ZMYND8: variants seen among roughly 807,000 people sequenced by gnomAD.
ZMYND8 encodes the protein zinc finger MYND-type containing 8, also known as MYND-type zinc finger-containing chromatin reader ZMYND8.
ZMYND8 carries 37 observed loss-of-function variants against 140.8 expected under a neutral mutation model. The observed-to-expected ratio is 0.26, with a 90% confidence interval of 0.20 to 0.35. The LOEUF is 0.35. ZMYND8 is among the 10% of genes least tolerant of loss of function. ZMYND8 has a pLI of 1.00. For missense variants in ZMYND8, 1,068 were observed against 1,570.0 expected, an observed-to-expected ratio of 0.68 and a Z score of 5.40; for synonymous variants, 592 against 597.1, an observed-to-expected ratio of 0.99 and a Z score of 0.12.
chr20:47,304,559 A>G (rs2078332404), intron 3 of ZMYND8, among the ~76,000 whole-genome samples: 1 of 152,252 alleles, frequency 6.6e-6, no homozygotes, highest in Non-Finnish European at 1.5e-5. Flanking sequence ...GGCTGTGTGT[A>G]AACACAAGGT....
At chr20:47,264,126 G>A (rs1033466463) in intron 11 of ZMYND8, among the ~76,000 whole-genome samples, 1 of 152,202 alleles carries the variant, frequency 6.6e-6, no homozygotes, top group African/African-American at 2.4e-5. Flanking sequence ...AAACTGACAC[G>A]CCGCATAGGG....
At chr20:47,344,497 G>C (rs1455880086) in intron 2 of ZMYND8, among the ~76,000 whole-genome samples, 1 of 152,122 alleles carries the variant, frequency 6.6e-6, no homozygotes, top group African/African-American at 2.4e-5. Context: ...AACAAGAAAA[G>C]TCTAAGAAAC....
At chr20:47,255,127 A>T (rs531041012) in intron 12 of ZMYND8, among the ~76,000 whole-genome samples, 2 of 152,324 alleles carry the variant, frequency 1.3e-5, no homozygotes, top group East Asian at 3.9e-4. Context: ...ATCTCAAAAA[A>T]ATAAATAAAA....
chr20:47,257,693 A>C (rs1051068784), intron 12 of ZMYND8, among the ~76,000 whole-genome samples: 2 of 152,184 alleles, frequency 1.3e-5, no homozygotes, highest in Non-Finnish European at 2.9e-5. Flanking sequence ...CCATATACAC[A>C]CATACATATA....
chr20:47,322,651 C>T lies in ZMYND8; in HGVS notation c.86-12447G>A, dbSNP rs905411724. ...GTCTCGATCTCCTGACCTCGTGATC[C>T]ACCTGCCTCGGCCTCCCAAAGTGCT... On this transcript the variant is annotated intron_variant, in intron 2 of 22. Coordinates refer to ENST00000471951, the MANE Select transcript of ZMYND8 (RefSeq NM_001281775.3). Among the ~76,000 whole-genome samples the T allele has an allele frequency of 3.3e-5, 5 of 152,006 alleles. No individual in the cohort carries two copies. In the East Asian group the frequency reaches 9.7e-4, roughly 29 times the overall value.
intron 16 of ZMYND8, among the ~76,000 whole-genome samples, chr20:47,231,059 GAC>G (rs2038412721): frequency 6.6e-6 from 1 of 152,180 alleles, no homozygotes; most frequent in Admixed American, 6.5e-5. Context: ...CTTCAGTCAG[GAC>G]ACTGTCTTTG....
intron 3 of ZMYND8, among the ~76,000 whole-genome samples, chr20:47,304,083 GAT>G (rs1346743029): frequency 6.6e-6 from 1 of 152,160 alleles, no homozygotes; most frequent in African/African-American, 2.4e-5. Context: ...TCATTTCTGA[GAT>G]ATGATTTTTC....
rs1163913160 is a variant in ZMYND8 at position 47,294,647 on chromosome 20, A to T, written c.567+19T>A. On this transcript the variant is annotated intron_variant, in intron 5 of 22. Coordinates refer to ENST00000471951, the MANE Select transcript of ZMYND8 (RefSeq NM_001281775.3). Reference sequence around the variant, plus strand: ...ATTACGTTCATTTACGCGTATACCAAGAGGAACTTTCTTCTTACCCCTGGC... The same window carrying T: ...ATTACGTTCATTTACGCGTATACCATGAGGAACTTTCTTCTTACCCCTGGC... The T allele has an allele frequency of 6.2e-7, 1 of 1,606,970 alleles. No homozygotes were observed. The highest frequency in any genetic ancestry group is 8.5e-7 in the Non-Finnish European group (1 of 1,173,530).
At position 47,298,789 on chromosome 20, in the gene ZMYND8, G is replaced by A. The variant is rs370720400; in HGVS notation, c.393C>T (p.His131=). Residue 131 remains histidine (H), a synonymous_variant, in exon 4 of 23, where the codon CAC becomes CAT. Transcript: ENST00000471951. This position sits in a 1 kb window ranked among gnomAD's most constrained non-coding sequence, Gnocchi z 5.0. ...LCCELCPRVY[H]AKCLRLTSEP... is the part of the protein sequence containing the mutation. ...CCGATGTCAGTCTCAGACACTTAGC[G>A]TGATAAACCCGGGGACAGAGCTCAC... The A allele has an allele frequency of 2.1e-5, 34 of 1,614,006 alleles. No individual in the cohort carries two copies. Among genetic ancestry groups the A allele is most frequent in the Middle Eastern group, 1.6e-4 (1 of 6,084 alleles).
intron 1 of ZMYND8, among the ~76,000 whole-genome samples, chr20:47,349,329 C>T (rs1056460774): frequency 6.6e-6 from 1 of 152,050 alleles, no homozygotes; most frequent in African/African-American, 2.4e-5. Flanking sequence ...TCATTTACAC[C>T]GCATCTGTAA....
intron 16 of ZMYND8, among the ~76,000 whole-genome samples, chr20:47,235,216 C>T (rs2039066353): frequency 6.6e-6 from 1 of 152,184 alleles, no homozygotes; most frequent in Non-Finnish European, 1.5e-5. Flanking sequence ...GCACTTACTA[C>T]ATGCCAGGCA....
intron 2 of ZMYND8, among the ~76,000 whole-genome samples, chr20:47,312,769 G>A (rs1321658404): frequency 1.4e-5 from 2 of 147,170 alleles, no homozygotes; most frequent in Non-Finnish European, 3.0e-5. Flanking sequence ...CAGTCTGGGC[G>A]ACAGAGCGAG....
At chr20:47,346,339 T>C (rs376185545) in intron 2 of ZMYND8, among the ~76,000 whole-genome samples, 9 of 152,304 alleles carry the variant, frequency 5.9e-5, no homozygotes, top group African/African-American at 2.2e-4. Flanking sequence ...AAGTCCCTGG[T>C]GGCTCAGCTC....
intron 2 of ZMYND8, 95 bp from the exon 3 acceptor site, chr20:47,310,299 T>C (rs2078824290): frequency 3.4e-6 from 5 of 1,453,148 alleles, no homozygotes; most frequent in Non-Finnish European, 4.6e-6. Flanking sequence ...GGGAACAGAG[T>C]GCATTCTGTC....
At chr20:47,355,745 A>G (rs2083176963) in intron 1 of ZMYND8, 1 of 153,040 alleles carries the variant, frequency 6.5e-6, no homozygotes, top group Admixed American at 6.5e-5. Flanking sequence ...GTTCCTTGAA[A>G]ATCATGCAAG....
At chr20:47,284,340 C>G (rs148002790) in intron 8 of ZMYND8, among the ~76,000 whole-genome samples, 5 of 152,304 alleles carry the variant, frequency 3.3e-5, no homozygotes, top group South Asian at 2.1e-4. Context: ...ATTCCCCCCA[C>G]CCACAGGGAT....
intron 14 of ZMYND8, among the ~76,000 whole-genome samples, chr20:47,239,851 T>A (rs972149366): frequency 6.6e-6 from 1 of 152,254 alleles, no homozygotes. Flanking sequence ...CCAGCTTTTA[T>A]GTATACTGTG....
At chr20:47,249,574 C>T in intron 12 of ZMYND8, 135 bp from the exon 13 acceptor site, 1 of 1,220,812 alleles carries the variant, frequency 8.2e-7, no homozygotes, top group Non-Finnish European at 1.1e-6. Context: ...TGTCATTCAT[C>T]CCAACAATAT....
chr20:47,346,090 A>C (rs1475659724), intron 2 of ZMYND8, among the ~76,000 whole-genome samples: 1 of 152,138 alleles, frequency 6.6e-6, no homozygotes, highest in Admixed American at 6.5e-5. Flanking sequence ...CCCACTTCAC[A>C]AATACAAAAA....
Sources: allele counts gnomAD v4.1 joint callset (sites outside exome capture counted in the v4.1 genomes callset), GRCh38; gene constraint gnomAD v4.1.1; non-coding constraint Gnocchi (gnomAD v3.1); transcripts MANE v1.5; gene names NCBI Gene and HGNC (gene_info 2026-07-23, HGNC 2026-07-21).